Variants in HAUS8 observed in about 807,000 individuals in gnomAD.
The protein encoded by HAUS8 is HAUS augmin like complex subunit 8.
HAUS8 carries 38 observed loss-of-function variants against 42.9 expected under a neutral mutation model. The ratio of observed to expected loss-of-function variants is 0.89; its 90% CI spans 0.68 to 1.16. The LOEUF is 1.16. HAUS8 is among the 50% of genes most tolerant of loss of function. The pLI, the probability that HAUS8 is intolerant of heterozygous loss-of-function variation, is 0.00. For synonymous variants in HAUS8, 199 were observed against 205.8 expected (o/e 0.97, Z 0.28); for missense variants, 494 against 511.6 (o/e 0.97, Z 0.33).
At chr19:17,073,496 A>C in intron 1 of HAUS8, 161 bp from the exon 2 acceptor site, 1 of 701,052 alleles carries the variant, frequency 1.4e-6, no homozygotes, top group Non-Finnish European at 2.6e-6. Context: ...AAAGGGACAC[A>C]AGGAGCAGCC....
Position 17,049,969 on chromosome 19 carries a change from A to G in HAUS8, c.1137T>C (p.Ala379=). ...CGCTTGGGCTGATGAACGTGGCCTG[A>G]GCGGGGGCTGACGAGGCACCCGGGT... ...DDNPGASSAP[A]QATFISPSED... The change falls in exon 11 of 11, where the codon GCT becomes GCC. Residue 379 remains alanine (A), a synonymous_variant. Transcript: ENST00000253669. The G allele has an allele frequency of 1.3e-6, 2 of 1,599,464 alleles. No homozygotes were observed. The highest frequency in any genetic ancestry group is 8.5e-7 in the Non-Finnish European group (1 of 1,173,328).
At chr19:17,057,665 G>T (rs181375897) in intron 8 of HAUS8, among the ~76,000 whole-genome samples, 1 of 152,262 alleles carries the variant, frequency 6.6e-6, no homozygotes, top group African/African-American at 2.4e-5. Context: ...CAAGCCCAGG[G>T]TCTAGCTGCA....
chr19:17,062,003 T>C (rs1428892319), intron 4 of HAUS8, among the ~76,000 whole-genome samples: 1 of 152,224 alleles, frequency 6.6e-6, no homozygotes, highest in Non-Finnish European at 1.5e-5. Flanking sequence ...TTGTAGCTCA[T>C]AGGCCAAATC....
rs1479061767 is a variant in HAUS8 at position 17,055,709 on chromosome 19, T to C, written c.787+152A>G. ...TGGTTACTTACTCAGGGCGAGACCC[T>C]TGGAGGAACCACAGCCTGGCCAGCC... On this transcript the variant is annotated intron_variant, in intron 9 of 10. Transcript: ENST00000253669. The C allele has an allele frequency of 3.0e-5, 23 of 773,950 alleles. No homozygotes were observed. The East Asian group carries it at 4.9e-4, about 16-fold the overall frequency. The allele number at this position is 773,950 out of a possible 1,614,324, so 47.9% of individuals were successfully genotyped here.
intron 3 of HAUS8, among the ~76,000 whole-genome samples, chr19:17,068,786 A>C (rs2123380528): frequency 6.6e-6 from 1 of 152,248 alleles, no homozygotes; most frequent in Non-Finnish European, 1.5e-5. Context: ...AAAGGGTAAG[A>C]ACGATACCAT....
In HAUS8 at chr19:17,073,316, T is replaced by C; in HGVS notation, c.49A>G (p.Thr17Ala). The C allele has an allele frequency of 6.2e-7, 1 of 1,614,078 alleles. No homozygotes were observed. The change falls in exon 2 of 11, where the codon ACA becomes GCA. Residue 17 changes from threonine to alanine, a missense_variant. Thr to Ala is a moderately conservative substitution (Grantham distance 58). Coordinates refer to ENST00000253669, the MANE Select transcript of HAUS8 (RefSeq NM_033417.2). ...TTCTTCTTGGCACTGCTAGAATTTG[T>C]GGGGCCGGTTGCAGGCTTCCTGCAA... Reference protein sequence around the residue: ...RGAGKPATGPTNSSSAKKKDK... With the variant: ...RGAGKPATGPANSSSAKKKDK...
At position 17,070,612 on chromosome 19, in the gene HAUS8, C is replaced by T. The variant is rs533789247; in HGVS notation, c.92-1526G>A. 1.2e-4 allele frequency among the ~76,000 whole-genome samples: 18 copies of T among 152,334 alleles called. No individual in the cohort carries two copies. In the East Asian group the frequency reaches 1.3e-3, roughly 11 times the overall value. ...GCACACTTGTCTCTGCCTGCCATTT[C>T]GTCACAGCATCTGTCATCATCTAGC... On this transcript the variant is annotated intron_variant, in intron 2 of 10. Transcript: ENST00000253669.
Position 17,053,006 on chromosome 19 carries a change from T to C in HAUS8, c.788-40A>G, listed in dbSNP as rs756498959. On this transcript the variant is annotated intron_variant, in intron 9 of 10. Coordinates refer to ENST00000253669, the MANE Select transcript of HAUS8 (RefSeq NM_033417.2). Reference sequence around the variant, plus strand: ...GGATGGTGGGCGATGGATGGCAAGGTGCCCCACGCAAGGCACACACAAGTG... The same window carrying C: ...GGATGGTGGGCGATGGATGGCAAGGCGCCCCACGCAAGGCACACACAAGTG... The C allele has an allele frequency of 1.9e-6, 3 of 1,613,470 alleles. No individual in the cohort carries two copies. In the East Asian group the frequency reaches 6.7e-5, roughly 36 times the overall value.
chr19:17,051,731 G>A lies in HAUS8; in HGVS notation c.929+1094C>T, dbSNP rs1239926202. 3 of 142,350 alleles carry A rather than the reference G, an allele frequency of 2.1e-5. No individual in the cohort carries two copies. In the East Asian group the frequency reaches 6.3e-4, roughly 30 times the overall value. 8.8% of individuals were successfully genotyped at this position (142,350 alleles called of 1,614,324 possible). Reference sequence around the variant, plus strand: ...TGCTCAGGTTGTAATGCAGTGGCACGACCACAGCTCATTACAGCCTTGACC... The same window carrying A: ...TGCTCAGGTTGTAATGCAGTGGCACAACCACAGCTCATTACAGCCTTGACC... On this transcript the variant is annotated intron_variant, in intron 10 of 10. Transcript: ENST00000253669.
At chr19:17,060,223 GCTAA>G in intron 4 of HAUS8, 131 bp from the exon 5 acceptor site, 5 of 301,212 alleles carry the variant, frequency 1.7e-5, no homozygotes, top group South Asian at 9.3e-5. Context: ...AGGTGGAAAG[GCTAA>G]AAAAAAAAAA....
intron 10 of HAUS8, among the ~76,000 whole-genome samples, chr19:17,050,399 T>C (rs900070433): frequency 6.6e-6 from 1 of 152,122 alleles, no homozygotes; most frequent in Admixed American, 6.5e-5. Context: ...GAAATGTTCA[T>C]GGAGCTCAGT....
chr19:17,052,962 G>A lies in HAUS8; in HGVS notation c.792C>T (p.Ala264=), dbSNP rs533621459. 76 of 1,614,154 alleles carry A rather than the reference G, an allele frequency of 4.7e-5. No homozygotes were observed. In the South Asian group the frequency reaches 6.3e-4, roughly 13 times the overall value. ...GAGTGGTCACCAGTTCATGCTGCAG[G>A]GCGTCTGGAGGGGAAGAGGGATGGT... ...LEGDGQQLLD[A]LQHELVTTQR... is the part of the protein sequence containing the mutation. Residue 264 remains alanine (A), a synonymous_variant, in exon 10 of 11, where the codon GCC becomes GCT. Coordinates refer to ENST00000253669, the MANE Select transcript of HAUS8 (RefSeq NM_033417.2).
chr19:17,072,800 C>T (rs116461369), intron 2 of HAUS8, among the ~76,000 whole-genome samples: 3,720 of 151,976 alleles, frequency 0.024, 71 homozygotes, highest in East Asian at 0.052. Context: ...GAGACTGACA[C>T]GCTCACGCAG....
Position 17,058,648 on chromosome 19 carries a change from A to C in HAUS8, c.546T>G (p.Cys182Trp). ...RRAEKNLLIM[C>W]KEKEKLQKKA... Reference sequence around the variant, plus strand: ...TTTTCTGTAGCTTCTCCTTCTCCTTACACATTATTAATAAATTCTTTTCTG... The same window carrying C: ...TTTTCTGTAGCTTCTCCTTCTCCTTCCACATTATTAATAAATTCTTTTCTG... The change falls in exon 8 of 11, where the codon TGT (cysteine) becomes TGG (tryptophan). Residue 182 changes from cysteine (C) to tryptophan (W), a missense_variant. Coordinates refer to ENST00000253669, the MANE Select transcript of HAUS8 (RefSeq NM_033417.2). The C allele has an allele frequency of 6.2e-7, 1 of 1,613,324 alleles. No homozygotes were observed. Among genetic ancestry groups the C allele is most frequent in the South Asian group, 1.1e-5 (1 of 90,938 alleles).
At chr19:17,053,546 C>T (rs1357566229) in intron 9 of HAUS8, 1 of 153,354 alleles carries the variant, frequency 6.5e-6, no homozygotes. Flanking sequence ...CAATCCTCCA[C>T]TCCTAGTGAA....
At chr19:17,052,456 C>A in intron 10 of HAUS8, 1 of 180,606 alleles carries the variant, frequency 5.5e-6, no homozygotes, top group African/African-American at 2.5e-5. Context: ...TGGCGCACAC[C>A]TGCAGTCCCA....
chr19:17,073,228 G>C (rs750852576), intron 2 of HAUS8, 46 bp downstream of exon 2: 3 of 1,546,846 alleles, frequency 1.9e-6, no homozygotes, highest in Non-Finnish European at 2.7e-6. Context: ...AGCACGTAAT[G>C]AAAGAAGAAA....
intron 5 of HAUS8, 57 bp downstream of exon 5, chr19:17,059,940 A>G: frequency 7.9e-7 from 1 of 1,268,030 alleles, no homozygotes. Context: ...TTGGAAGCCC[A>G]CTGAGACCTA....
rs775550389 is a variant in HAUS8, at chr19:17,069,035, T to C, written c.143A>G (p.Gln48Arg). 1.9e-5 allele frequency: 31 copies of C among 1,612,976 alleles called. No individual in the cohort carries two copies. The East Asian group carries it at 3.3e-4, about 17-fold the overall frequency. Residue 48 changes from glutamine to arginine, a missense_variant, in exon 3 of 11, where the codon CAA becomes CGA. Gln to Arg is a conservative substitution (Grantham distance 43). Transcript: ENST00000253669. ...RYLQYEKKTT[Q>R]KAPAGDGSQT... Reference sequence around the variant, plus strand: ...GGAAGCTGGGTGCGGCCTTACCTTTTGGGTTGTCTTCTTTTCATACTGCAG... The same window carrying C: ...GGAAGCTGGGTGCGGCCTTACCTTTCGGGTTGTCTTCTTTTCATACTGCAG...
Sources: allele counts gnomAD v4.1 joint callset (sites outside exome capture counted in the v4.1 genomes callset), GRCh38; gene constraint gnomAD v4.1.1; transcripts MANE v1.5; gene names NCBI Gene and HGNC (gene_info 2026-07-23, HGNC 2026-07-21).